Variants in CCDC14 observed in about 807,000 individuals in gnomAD.
CCDC14 encodes coiled-coil domain containing 14.
Under a neutral mutation model 81.4 loss-of-function variants are expected in CCDC14, and 71 were observed. The observed-to-expected ratio is 0.87, with a 90% confidence interval of 0.72 to 1.06. The LOEUF is 1.06. Among genes scored for constraint, CCDC14 ranks in the 50% least tolerant of loss-of-function variants. CCDC14 has a pLI of 0.00. For missense variants in CCDC14, 1,046 were observed against 1,047.3 expected (o/e 1.00, Z 0.02); for synonymous variants, 332 against 364.8 (o/e 0.91, Z 1.03).
intron 9 of CCDC14, among the ~76,000 whole-genome samples, chr3:123,938,573 A>G (rs372577152): frequency 2.6e-5 from 4 of 151,984 alleles, no homozygotes; most frequent in African/African-American, 9.6e-5. Context: ...TTCCTTTCCA[A>G]TGTGGCTGGC....
intron 5 of CCDC14, among the ~76,000 whole-genome samples, chr3:123,902,605 G>A (rs1329748365): frequency 3.9e-5 from 6 of 152,138 alleles, no homozygotes; most frequent in Admixed American, 3.9e-4. Flanking sequence ...CAAAAACTTG[G>A]TTCCTTCAAC....
In CCDC14 at chr3:123,937,799, C is replaced by T. The variant is rs12635952; in HGVS notation, c.1344-4044G>A. On this transcript the variant is annotated intron_variant, in intron 9 of 12. Coordinates refer to ENST00000409697, the MANE Select transcript of CCDC14 (RefSeq NM_001366335.1). ...AGAGGTTTTGTAGTTTTAGTTTATACATTAAGATCTGTGATTCATTTCAAG... is the reference window on the plus strand; with the variant it reads ...AGAGGTTTTGTAGTTTTAGTTTATATATTAAGATCTGTGATTCATTTCAAG... Among the ~76,000 whole-genome samples, 70 of 151,964 alleles carry T rather than the reference C, an allele frequency of 4.6e-4. 1 individual carries two copies. In the East Asian group the frequency reaches 0.012, roughly 26 times the overall value.
intron 8 of CCDC14, among the ~76,000 whole-genome samples, chr3:123,946,550 A>G (rs2036634951): frequency 6.6e-6 from 1 of 152,128 alleles, no homozygotes; most frequent in Non-Finnish European, 1.5e-5. Context: ...TTCAAGGTCT[A>G]TTATCAAGCA....
At position 123,933,758 on chromosome 3, in the gene CCDC14, A is replaced by C; in HGVS notation, c.1344-3T>G. ...GCTGGTTCAAAATTCTCAACTGCCT[A>C]AAGAAATAATGAAGAACTATGAATG... On this transcript the variant is annotated splice_region_variant and splice_polypyrimidine_tract_variant and intron_variant, in intron 9 of 12. Coordinates refer to ENST00000409697, the MANE Select transcript of CCDC14 (RefSeq NM_001366335.1). The C allele has an allele frequency of 1.3e-6, 2 of 1,557,546 alleles. No homozygotes were observed. Among genetic ancestry groups the C allele is most frequent in the Non-Finnish European group, 1.7e-6 (2 of 1,147,804 alleles).
At chr3:123,928,878 C>T (rs183217191) in intron 12 of CCDC14, among the ~76,000 whole-genome samples, 2 of 152,248 alleles carry the variant, frequency 1.3e-5, no homozygotes, top group East Asian at 1.9e-4. Flanking sequence ...ACTTAATTTG[C>T]GTGGCCTCAG....
In CCDC14 at chr3:123,944,286, T is replaced by C. The variant is rs533922943; in HGVS notation, c.1343+563A>G. Among the ~76,000 whole-genome samples the C allele has an allele frequency of 2.0e-5, 3 of 152,270 alleles. No individual in the cohort carries two copies. The South Asian group carries it at 6.2e-4, about 32-fold the overall frequency. On this transcript the variant is annotated intron_variant, in intron 9 of 12. Coordinates refer to ENST00000409697, the MANE Select transcript of CCDC14 (RefSeq NM_001366335.1). The stretch of plus-strand genomic sequence containing the variant: ...AACATAATGTCCCAGACCTTTCTAT[T>C]AGGCAGGGCCATGTGCCTTGTTTCA...
intron 9 of CCDC14, among the ~76,000 whole-genome samples, chr3:123,938,267 C>T (rs1006073799): frequency 1.3e-5 from 2 of 151,820 alleles, no homozygotes; most frequent in Admixed American, 1.3e-4. Context: ...TCTGGTTTAT[C>T]TCTCACTTAT....
Position 123,948,718 on chromosome 3 carries a change from C to A in CCDC14, c.657G>T (p.Arg219=), listed in dbSNP as rs763299047. Residue 219 remains arginine, a synonymous_variant, in exon 7 of 13, where the codon CGG becomes CGT. Transcript: ENST00000409697. ...AATGAACCTTTGGAGGGCAGGGTGG[C>A]CGCTGAAGTGACCAGACTGGGGTGG... ...CTSTPVWSLQ[R]PPCPPKVHSE... 15 of 1,601,220 alleles carry A rather than the reference C, an allele frequency of 9.4e-6. No individual in the cohort carries two copies. The Admixed American group carries it at 2.1e-4, about 23-fold the overall frequency.
chr3:123,896,832 T>C (rs2034072640), downstream of CCDC14, among the ~76,000 whole-genome samples: 1 of 152,226 alleles, frequency 6.6e-6, no homozygotes, highest in African/African-American at 2.4e-5. Flanking sequence ...TTAAATCTTA[T>C]TATCTTATGT....
chr3:123,956,326 T>C (rs2037324333), intron 3 of CCDC14, 29 bp downstream of exon 3: 2 of 1,446,228 alleles, frequency 1.4e-6, no homozygotes, highest in African/African-American at 2.9e-5. Context: ...CTAATTAAAA[T>C]AGTGTGTATT....
At position 123,914,803 on chromosome 3, in the gene CCDC14, T is replaced by TA. The variant is rs2034562061; in HGVS notation, c.2693dup (p.Leu898PhefsTer21). The TA allele has an allele frequency of 3.8e-6, 6 of 1,563,820 alleles. No individual in the cohort carries two copies. Among genetic ancestry groups the TA allele is most frequent in the South Asian group, 1.2e-5 (1 of 84,414 alleles). On this transcript the variant is annotated frameshift_variant, in exon 13 of 13. Coordinates refer to ENST00000409697, the MANE Select transcript of CCDC14 (RefSeq NM_001366335.1). LOFTEE classifies it high-confidence loss of function. Reference sequence around the variant, plus strand: ...TTCATTTCTCCAGAAGACCAGTCCTTAAAGACTTCTGGAGTCTAGCTATGT... The same window carrying TA: ...TTCATTTCTCCAGAAGACCAGTCCTTAAAAGACTTCTGGAGTCTAGCTATGT...
In CCDC14 at chr3:123,914,267, G is replaced by C. The variant is rs901178594; in HGVS notation, c.*512C>G. On this transcript the variant is annotated 3_prime_UTR_variant, in exon 13 of 13. Coordinates refer to ENST00000409697, the MANE Select transcript of CCDC14 (RefSeq NM_001366335.1). ...TGTTTTTTAAGAGGTGTAGATACTG[G>C]TAACTTTTCTCTTTAAATAAATGTT... 8 of 983,084 alleles carry C rather than the reference G, an allele frequency of 8.1e-6. No individual in the cohort carries two copies. In the African/African-American group the frequency reaches 8.8e-5, roughly 11 times the overall value. The allele number at this position is 983,084 out of a possible 1,614,324, so 60.9% of individuals were successfully genotyped here.
Position 123,933,691 on chromosome 3 carries a change from C to A in CCDC14, c.1408G>T (p.Val470Leu), listed in dbSNP as rs766210046. 47 of 1,573,502 alleles carry A rather than the reference C, an allele frequency of 3.0e-5. 3 individuals are homozygous for A. The South Asian group carries it at 5.5e-4, about 18-fold the overall frequency. Reference sequence around the variant, plus strand: ...TACCTACATTCAAGGTTGCAATCCACAGCACCAGATGGTTTTTGAGTTTTC... The same window carrying A: ...TACCTACATTCAAGGTTGCAATCCAAAGCACCAGATGGTTTTTGAGTTTTC... ...QQKTQKPSGA[V>L]DCNLELFSLQ... The change falls in exon 10 of 13, where the codon GTG becomes TTG. Residue 470 changes from valine to leucine, a missense_variant. By Grantham distance (32) the Val-to-Leu change is conservative. Transcript: ENST00000409697.
At chr3:123,955,816 T>C in intron 5 of CCDC14, 27 bp downstream of exon 5, 1 of 1,468,888 alleles carries the variant, frequency 6.8e-7, no homozygotes, top group Non-Finnish European at 9.1e-7. Flanking sequence ...GGATTATCTT[T>C]AAATAACTAA....
intron 12 of CCDC14, among the ~76,000 whole-genome samples, chr3:123,920,258 G>T (rs1577235145): frequency 3.9e-5 from 6 of 152,202 alleles, no homozygotes; most frequent in Admixed American, 3.9e-4. Context: ...AAGCCTACAG[G>T]TATTATGAGA....
chr3:123,942,898 C>T (rs2036425267), intron 9 of CCDC14, among the ~76,000 whole-genome samples: 1 of 151,810 alleles, frequency 6.6e-6, no homozygotes, highest in Non-Finnish European at 1.5e-5. Context: ...AATGTAATTC[C>T]AACAAGTTAA....
chr3:123,932,638 T>C (rs747565816), intron 10 of CCDC14, among the ~76,000 whole-genome samples: 9 of 152,160 alleles, frequency 5.9e-5, no homozygotes, highest in Non-Finnish European at 8.8e-5. Context: ...TTAGGAAAAG[T>C]TCCCCTCCAA....
chr3:123,950,426 C>T (rs946595199), intron 5 of CCDC14, among the ~76,000 whole-genome samples: 5 of 152,106 alleles, frequency 3.3e-5, no homozygotes, highest in Middle Eastern at 3.2e-3. Flanking sequence ...GTGGTATACT[C>T]GCAGGCTGGA....
chr3:123,930,209 A>C (rs1483365001), intron 12 of CCDC14, among the ~76,000 whole-genome samples: 1 of 152,222 alleles, frequency 6.6e-6, no homozygotes, highest in Non-Finnish European at 1.5e-5. Flanking sequence ...TATAAAACTA[A>C]ATTAATAAAT....
Sources: allele counts gnomAD v4.1 joint callset (sites outside exome capture counted in the v4.1 genomes callset), GRCh38; gene constraint gnomAD v4.1.1; transcripts MANE v1.5; gene names NCBI Gene and HGNC (gene_info 2026-07-23, HGNC 2026-07-21).